Variants in NOSIP observed in about 807,000 individuals in gnomAD.
The protein encoded by NOSIP is nitric oxide synthase interacting protein.
Under a neutral mutation model 36.4 loss-of-function variants are expected in NOSIP, and 25 were observed. That is an observed-to-expected ratio of 0.69 (90% CI 0.50 to 0.96). The LOEUF (loss-of-function observed/expected upper bound fraction) is 0.96, where lower values mean the gene tolerates loss of function less well. Ranked by LOEUF, NOSIP falls within the 40% of genes least tolerant of loss-of-function variation. The probability of loss-of-function intolerance (pLI) is 0.00; values close to 1 mark genes in which losing one functional copy is unlikely to be tolerated. For synonymous variants in NOSIP, 187 were observed against 179.2 expected, an observed-to-expected ratio of 1.04 and a Z score of -0.35; for missense variants, 370 against 429.0, an observed-to-expected ratio of 0.86 and a Z score of 1.21.
At chr19:49,565,871 A>G (rs577701495) in intron 1 of NOSIP, among the ~76,000 whole-genome samples, 14 of 152,284 alleles carry the variant, frequency 9.2e-5, no homozygotes, top group Non-Finnish European at 1.8e-4. Flanking sequence ...TTATGTGGCT[A>G]CAGATTCATC....
intron 1 of NOSIP, among the ~76,000 whole-genome samples, chr19:49,573,237 T>A (rs907232054): frequency 1.3e-5 from 2 of 152,192 alleles, no homozygotes; most frequent in Non-Finnish European, 2.9e-5. Context: ...CCTCAGGCAC[T>A]GTGCTGAACT....
At chr19:49,566,263 G>A (rs181579414) in intron 1 of NOSIP, among the ~76,000 whole-genome samples, 52 of 152,056 alleles carry the variant, frequency 3.4e-4, no homozygotes, top group Admixed American at 2.2e-3. Flanking sequence ...CTCGTGATCC[G>A]CCCACCTCGG....
At chr19:49,556,824 G>T (rs765551872) in intron 6 of NOSIP, 51 bp downstream of exon 6, 2 of 1,598,372 alleles carry the variant, frequency 1.3e-6, no homozygotes, top group Admixed American at 1.7e-5. Context: ...AGGACGGTGG[G>T]GAACCCTGGC....
chr19:49,565,697 G>T (rs1361289875), intron 1 of NOSIP, among the ~76,000 whole-genome samples: 1 of 152,046 alleles, frequency 6.6e-6, no homozygotes, highest in Non-Finnish European at 1.5e-5. Flanking sequence ...GGTGAAGGCT[G>T]CAGTGAGCCA....
chr19:49,570,292 C>T (rs1453790001), intron 1 of NOSIP, among the ~76,000 whole-genome samples: 1 of 152,028 alleles, frequency 6.6e-6, no homozygotes, highest in Non-Finnish European at 1.5e-5. Context: ...CTCTATCGCC[C>T]CCTTCTGGTT....
chr19:49,557,530 T>C (rs551679270), intron 4 of NOSIP: 2 of 1,272,622 alleles, frequency 1.6e-6, no homozygotes, highest in African/African-American at 3.0e-5. Flanking sequence ...CTAACAGTGG[T>C]TACCCACCTC....
At position 49,563,579 on chromosome 19, in the gene NOSIP, C is replaced by T. The variant is rs147333823; in HGVS notation, c.-1-2887G>A. On this transcript the variant is annotated intron_variant, in intron 1 of 8. Coordinates refer to ENST00000596358, the MANE Select transcript of NOSIP (RefSeq NM_001270960.2). ...CACGATCTCAGCTCACTACAACCTCCGCCTCTTGGGTTCAAGCAATTCTCC... is the reference window on the plus strand; with the variant it reads ...CACGATCTCAGCTCACTACAACCTCTGCCTCTTGGGTTCAAGCAATTCTCC... 2.4e-3 allele frequency among the ~76,000 whole-genome samples: 365 copies of T among 151,686 alleles called. 6 individuals carry two copies. Among genetic ancestry groups the T allele is most frequent in the African/African-American group, 7.4e-3 (305 of 41,340 alleles).
chr19:49,570,062 CTG>C (rs1044240979), intron 1 of NOSIP, among the ~76,000 whole-genome samples: 5 of 151,688 alleles, frequency 3.3e-5, no homozygotes, highest in African/African-American at 9.7e-5. Context: ...TGAGCCGAGA[CTG>C]TGCCAATGCA....
Position 49,556,407 on chromosome 19 carries a change from G to A in NOSIP, c.744C>T (p.Leu248=). The part of the protein sequence containing the change: ...VLRPSGAVVT[L]ECVEKLIRKD... ...TCCGAATCAGCTTCTCCACGCATTC[G>A]AGGGTGACCACAGCCCCACTACGGT... is the stretch of plus-strand genomic sequence containing the variant. Residue 248 remains leucine, a synonymous_variant, in exon 8 of 9, where the codon CTC becomes CTT. Coordinates refer to ENST00000596358, the MANE Select transcript of NOSIP (RefSeq NM_001270960.2). 1 of 1,613,604 alleles carries A rather than the reference G, an allele frequency of 6.2e-7. No homozygotes were observed.
At position 49,555,588 on chromosome 19, in the gene NOSIP, C is replaced by G. The variant is rs2080224973; in HGVS notation, c.*163G>C. On this transcript the variant is annotated 3_prime_UTR_variant, in exon 9 of 9. Coordinates refer to ENST00000596358, the MANE Select transcript of NOSIP (RefSeq NM_001270960.2). The stretch of plus-strand genomic sequence containing the variant: ...TTTGTTCTTAATGTGAGACCACATT[C>G]AATATGCTTAGCCCGCTCTTTCAAA... 4 of 597,144 alleles carry G rather than the reference C, an allele frequency of 6.7e-6. No individual in the cohort carries two copies. The highest frequency in any genetic ancestry group is 1.2e-5 in the Non-Finnish European group (4 of 330,612). The allele number at this position is 597,144 out of a possible 1,614,324, so 37.0% of individuals were successfully genotyped here.
At chr19:49,562,846 C>T (rs1307095053) in intron 1 of NOSIP, among the ~76,000 whole-genome samples, 3 of 152,092 alleles carry the variant, frequency 2.0e-5, no homozygotes, top group African/African-American at 7.2e-5. Context: ...CACCACTACA[C>T]TCCAGCCTGG....
chr19:49,579,047 T>A (rs1056809095), intron 1 of NOSIP: 10 of 152,098 alleles, frequency 6.6e-5, no homozygotes, highest in African/African-American at 2.4e-4. Flanking sequence ...GTTTCTTCAA[T>A]GAATCGATTA....
rs2080258190 is a variant in NOSIP, at chr19:49,556,924, C to G, written c.488G>C (p.Trp163Ser). ...KDKDKVLPSF[W>S]IPSLTPEAKA... is the part of the protein sequence containing the mutation. ...GGCTTCGGGCGTCAGCGACGGGATCCAGAAGCTGGGCAGCACTTTGTCCTT... is the reference window on the plus strand; with the variant it reads ...GGCTTCGGGCGTCAGCGACGGGATCGAGAAGCTGGGCAGCACTTTGTCCTT... Residue 163 changes from tryptophan to serine, a missense_variant, in exon 6 of 9, where the codon TGG becomes TCG. Trp to Ser is a radical substitution (Grantham distance 177, BLOSUM62 -3). Transcript: ENST00000596358. The G allele has an allele frequency of 6.2e-7, 1 of 1,613,460 alleles. No individual in the cohort carries two copies. Among genetic ancestry groups the G allele is most frequent in the Non-Finnish European group, 8.5e-7 (1 of 1,179,746 alleles).
At chr19:49,574,193 T>C (rs577122963) in intron 1 of NOSIP, among the ~76,000 whole-genome samples, 1 of 152,178 alleles carries the variant, frequency 6.6e-6, no homozygotes, top group South Asian at 2.1e-4. Context: ...AAATTGAAGC[T>C]TGGAGAAATT....
chr19:49,558,870 G>A, intron 4 of NOSIP, 27 bp downstream of exon 4: 3 of 1,591,878 alleles, frequency 1.9e-6, no homozygotes, highest in Non-Finnish European at 2.6e-6. Context: ...CTGCCTCCGT[G>A]TGCCGCCTCC....
intron 1 of NOSIP, among the ~76,000 whole-genome samples, chr19:49,564,390 G>A (rs1040125368): frequency 2.7e-5 from 4 of 146,850 alleles, no homozygotes; most frequent in Non-Finnish European, 5.9e-5. Flanking sequence ...GGAGGCGGAG[G>A]TTGCAGTGAG....
intron 3 of NOSIP, 49 bp from the exon 4 acceptor site, chr19:49,559,027 T>C: frequency 6.7e-7 from 1 of 1,486,482 alleles, no homozygotes; most frequent in Non-Finnish European, 9.4e-7. Flanking sequence ...TCCTCCCGCC[T>C]CGGCCTCCCG....
At chr19:49,564,869 T>C (rs906094344) in intron 1 of NOSIP, among the ~76,000 whole-genome samples, 1 of 152,128 alleles carries the variant, frequency 6.6e-6, no homozygotes, top group African/African-American at 2.4e-5. Context: ...ACCCATAGTA[T>C]AGCTGAATCT....
At chr19:49,569,982 A>C (rs769816512) in intron 1 of NOSIP, among the ~76,000 whole-genome samples, 3 of 148,840 alleles carry the variant, frequency 2.0e-5, no homozygotes, top group Non-Finnish European at 4.5e-5. Context: ...CGTGGTGGCC[A>C]CCTGTAATCC....
Sources: gnomAD v4.1 joint callset for allele counts (sites outside exome capture counted in the v4.1 genomes callset) on GRCh38, gnomAD v4.1.1 for gene constraint, MANE v1.5 for transcripts, NCBI Gene and HGNC (gene_info 2026-07-23, HGNC 2026-07-21) for gene names.